The following SYNE2 variants were observed in gnomAD, a reference collection of about 807,000 sequenced individuals.
The protein encoded by SYNE2 is nesprin-2.
In SYNE2, 431 loss-of-function variants were observed where a neutral mutation model predicts 856.3. That is an observed-to-expected ratio of 0.50 (90% CI 0.47 to 0.55). The LOEUF (loss-of-function observed/expected upper bound fraction) is 0.55, where lower values mean the gene tolerates loss of function less well. Among genes scored for constraint, SYNE2 ranks in the 20% least tolerant of loss-of-function variants. The pLI, the probability that SYNE2 is intolerant of heterozygous loss-of-function variation, is 0.00. For synonymous variants in SYNE2, 2,923 were observed against 2,872.3 expected (o/e 1.02, Z -0.56); for missense variants, 8,129 against 8,023.2 (o/e 1.01, Z -0.50).
intron 1 of SYNE2, among the ~76,000 whole-genome samples, chr14:63,869,667 CAATA>C (rs1285350679): frequency 3.3e-5 from 5 of 150,528 alleles, no homozygotes; most frequent in Non-Finnish European, 7.4e-5. Context: ...AAACTGCTCC[CAATA>C]AATAATTTGC....
At chr14:64,003,571 G>A (rs1296639236) in intron 30 of SYNE2, among the ~76,000 whole-genome samples, 26 of 152,144 alleles carry the variant, frequency 1.7e-4, no homozygotes, top group Admixed American at 1.7e-3. Context: ...ATGAAGGAGT[G>A]GTGAAGTCAG....
At chr14:63,943,910 C>G (rs2095970717) in intron 6 of SYNE2, among the ~76,000 whole-genome samples, 1 of 151,862 alleles carries the variant, frequency 6.6e-6, no homozygotes, top group East Asian at 1.9e-4. Flanking sequence ...ACCTTGTGAT[C>G]CACCTGCCTC....
At chr14:64,038,387 C>G (rs904024923) in intron 45 of SYNE2, among the ~76,000 whole-genome samples, 1 of 151,690 alleles carries the variant, frequency 6.6e-6, no homozygotes, top group Non-Finnish European at 1.5e-5. Context: ...GGCTCCTCAC[C>G]TCCCAGACGA....
intron 1 of SYNE2, among the ~76,000 whole-genome samples, chr14:63,884,681 T>C (rs1162048243): frequency 1.3e-5 from 2 of 152,046 alleles, no homozygotes; most frequent in Non-Finnish European, 2.9e-5. Flanking sequence ...TAAGGAGAGC[T>C]TCGATTCTTT....
Position 63,909,121 on chromosome 14 carries a change from C to T in SYNE2, c.-28C>T. ...AGTTCACTTCTTCAACTGAGATGGACATGATATAATCTCCATTGAGTCAAA... is the reference window on the plus strand; with the variant it reads ...AGTTCACTTCTTCAACTGAGATGGATATGATATAATCTCCATTGAGTCAAA... On this transcript the variant is annotated 5_prime_UTR_variant, in exon 2 of 116. Transcript: ENST00000555002. The T allele has an allele frequency of 6.8e-7, 1 of 1,469,698 alleles. No homozygotes were observed. Among genetic ancestry groups the T allele is most frequent in the African/African-American group, 1.4e-5 (1 of 72,262 alleles). The allele number at this position is 1,469,698 out of a possible 1,614,324, so 91.0% of individuals were successfully genotyped here. A position where few individuals can be genotyped will look rare whatever the true frequency, so the allele number is the denominator to read the frequency against.
rs2097523490 is a variant in SYNE2 at position 64,081,468 on chromosome 14, G to A, written c.11372G>A (p.Ser3791Asn). Reference sequence around the variant, plus strand: ...GCCACAGTTAAGATGGAGGAATATAGTGACCTTCTGAAGAGCACTGAGGCT... The same window carrying A: ...GCCACAGTTAAGATGGAGGAATATAATGACCTTCTGAAGAGCACTGAGGCT... ...NKATVKMEEY[S>N]DLLKSTEAWI... is the part of the protein sequence containing the mutation. The change falls in exon 57 of 116, where the codon AGT (serine) becomes AAT (asparagine). Residue 3791 changes from serine (S) to asparagine (N), a missense_variant. Ser to Asn is a conservative substitution (Grantham distance 46). Coordinates refer to ENST00000555002, the MANE Select transcript of SYNE2 (RefSeq NM_182914.3). 2 of 1,614,070 alleles carry A rather than the reference G, an allele frequency of 1.2e-6. No individual in the cohort carries two copies. Among genetic ancestry groups the A allele is most frequent in the African/African-American group, 2.7e-5 (2 of 74,924 alleles).
At chr14:63,850,104 G>A (rs1219675740), upstream of SYNE2, among the ~76,000 whole-genome samples, 1 of 145,996 alleles carries the variant, frequency 6.8e-6, no homozygotes, top group Non-Finnish European at 1.5e-5. Flanking sequence ...TTTTTGAGAT[G>A]GAGTTTCGCT....
At chr14:63,806,738 C>G (rs967811817) in intron 1 of SYNE2, among the ~76,000 whole-genome samples, 4 of 151,986 alleles carry the variant, frequency 2.6e-5, no homozygotes, top group Middle Eastern at 3.4e-3. Flanking sequence ...TCTGGCTGTT[C>G]CGAAGTTCTT....
intron 51 of SYNE2, among the ~76,000 whole-genome samples, chr14:64,067,189 T>C (rs2097364491): frequency 6.6e-6 from 1 of 151,786 alleles, no homozygotes. Flanking sequence ...TTTCAAAGAG[T>C]AGCACAAGCA....
At chr14:63,934,376 G>A (rs2095803306) in intron 2 of SYNE2, among the ~76,000 whole-genome samples, 1 of 151,944 alleles carries the variant, frequency 6.6e-6, no homozygotes, top group Admixed American at 6.6e-5. Context: ...TCAAGTTTAT[G>A]TCTCTGTCAG....
chr14:64,163,071 G>T (rs1173331421), intron 88 of SYNE2, among the ~76,000 whole-genome samples: 1 of 152,182 alleles, frequency 6.6e-6, no homozygotes, highest in Non-Finnish European at 1.5e-5. Flanking sequence ...TCTTGAAACA[G>T]CATGAAAGCA....
chr14:63,959,111 G>A (rs1220297427), intron 8 of SYNE2, among the ~76,000 whole-genome samples: 1 of 151,992 alleles, frequency 6.6e-6, no homozygotes, highest in African/African-American at 2.4e-5. Context: ...ATTGGAGAAT[G>A]GTATTAGAAA....
At chr14:64,002,649 G>A (rs1054686097) in intron 29 of SYNE2, 71 bp from the exon 30 acceptor site, 131 of 1,541,666 alleles carry the variant, frequency 8.5e-5, no homozygotes, top group Middle Eastern at 2.4e-4. Context: ...ATGCAGTTTG[G>A]GGCTAGTTTC....
At chr14:64,015,145 C>T (rs556161290) in intron 32 of SYNE2, among the ~76,000 whole-genome samples, 1 of 149,202 alleles carries the variant, frequency 6.7e-6, no homozygotes, top group South Asian at 2.1e-4. Flanking sequence ...TTAAGGATTT[C>T]TGTGTAAATA....
chr14:64,188,453 C>T, intron 97 of SYNE2, 97 bp from the exon 98 acceptor site: 1 of 1,390,936 alleles, frequency 7.2e-7, no homozygotes, highest in South Asian at 1.2e-5. Context: ...CGGAGAGCTA[C>T]TGATTAAAAT....
At chr14:64,050,300 G>T (rs1460461137) in intron 47 of SYNE2, among the ~76,000 whole-genome samples, 1 of 152,074 alleles carries the variant, frequency 6.6e-6, no homozygotes, top group Non-Finnish European at 1.5e-5. Flanking sequence ...ACTCCTCAAA[G>T]TTCCTAACTC....
At chr14:63,923,624 T>C (rs2095626330) in intron 2 of SYNE2, among the ~76,000 whole-genome samples, 1 of 152,196 alleles carries the variant, frequency 6.6e-6, no homozygotes, top group South Asian at 2.1e-4. Context: ...CATAAGCTAA[T>C]GAGGAGGCAG....
At chr14:64,167,437 G>C (rs370116312) in intron 91 of SYNE2, 50 bp downstream of exon 91, 1 of 1,614,202 alleles carries the variant, frequency 6.2e-7, no homozygotes, top group Non-Finnish European at 8.5e-7. Flanking sequence ...AAAATTAACG[G>C]CTTCAGCTCG....
intron 1 of SYNE2, among the ~76,000 whole-genome samples, chr14:63,799,159 A>G (rs1888036386): frequency 6.6e-6 from 1 of 151,916 alleles, no homozygotes; most frequent in Non-Finnish European, 1.5e-5. Flanking sequence ...GCTCACTGCA[A>G]CCTCCACCTC....
Sources: gnomAD v4.1 joint callset for allele counts (sites outside exome capture counted in the v4.1 genomes callset) on GRCh38, gnomAD v4.1.1 for gene constraint, MANE v1.5 for transcripts, NCBI Gene and HGNC (gene_info 2026-07-23, HGNC 2026-07-21) for gene names.